Variants in DTNB observed in about 807,000 individuals in gnomAD.
DTNB encodes the protein dystrobrevin beta.
Under a neutral mutation model 90.7 loss-of-function variants are expected in DTNB, and 63 were observed. The ratio of observed to expected loss-of-function variants is 0.69; its 90% CI spans 0.57 to 0.86. The LOEUF (loss-of-function observed/expected upper bound fraction) is 0.86, where lower values mean the gene tolerates loss of function less well. Among genes scored for constraint, DTNB ranks in the 40% least tolerant of loss-of-function variants. DTNB has a pLI of 0.00. For missense variants in DTNB, 744 were observed against 807.1 expected, an observed-to-expected ratio of 0.92 and a Z score of 0.95; for synonymous variants, 277 against 286.7, an observed-to-expected ratio of 0.97 and a Z score of 0.34.
chr2:25,413,444 T>G (rs2047106786), intron 16 of DTNB, among the ~76,000 whole-genome samples: 2 of 123,132 alleles, frequency 1.6e-5, no homozygotes, highest in South Asian at 2.9e-4. Flanking sequence ...GGCCCCGGTG[T>G]GTGATGTTCC....
At chr2:25,628,054 C>T (rs1366139836) in intron 4 of DTNB, 117 bp downstream of exon 4, 1 of 1,122,982 alleles carries the variant, frequency 8.9e-7, no homozygotes, top group Non-Finnish European at 1.3e-6. Context: ...CCCTTTTAAT[C>T]ATGATTCTAA....
At chr2:25,487,891 C>T (rs1177068374) in intron 9 of DTNB, among the ~76,000 whole-genome samples, 1 of 152,146 alleles carries the variant, frequency 6.6e-6, no homozygotes, top group Non-Finnish European at 1.5e-5. Context: ...GAGATCTGAA[C>T]TTTATATTGC....
chr2:25,407,539 T>C (rs896197832), intron 16 of DTNB, among the ~76,000 whole-genome samples: 2 of 152,036 alleles, frequency 1.3e-5, no homozygotes, highest in African/African-American at 4.8e-5. Flanking sequence ...CATCAACCAA[T>C]GAGTGAATAA....
intron 16 of DTNB, among the ~76,000 whole-genome samples, chr2:25,405,369 C>T (rs1455275926): frequency 1.3e-5 from 2 of 151,960 alleles, no homozygotes; most frequent in Admixed American, 6.6e-5. Context: ...GGTGAAACCC[C>T]GTCTCTACTA....
chr2:25,472,864 T>C (rs566429254), intron 10 of DTNB, among the ~76,000 whole-genome samples: 20 of 152,222 alleles, frequency 1.3e-4, no homozygotes, highest in Admixed American at 1.3e-3. Flanking sequence ...AGCGCCTGGG[T>C]GACAAGAGTG....
At chr2:25,610,971 A>T (rs974623291) in intron 4 of DTNB, among the ~76,000 whole-genome samples, 1 of 152,216 alleles carries the variant, frequency 6.6e-6, no homozygotes, top group East Asian at 1.9e-4. Context: ...CGGCCTCCCA[A>T]AGTGCTGGGA....
intron 8 of DTNB, among the ~76,000 whole-genome samples, chr2:25,564,828 A>G (rs577295340): frequency 3.3e-5 from 5 of 152,310 alleles, no homozygotes; most frequent in Non-Finnish European, 5.9e-5. Flanking sequence ...GTTCATTGTC[A>G]ATATAGAGAA....
intron 4 of DTNB, among the ~76,000 whole-genome samples, chr2:25,627,856 C>T (rs2074623256): frequency 1.3e-5 from 2 of 151,902 alleles, no homozygotes; most frequent in African/African-American, 2.4e-5. Context: ...CCTGCCTCAG[C>T]CTCCTAAGTA....
intron 8 of DTNB, among the ~76,000 whole-genome samples, chr2:25,550,373 A>G (rs1204419408): frequency 6.6e-6 from 1 of 152,164 alleles, no homozygotes; most frequent in African/African-American, 2.4e-5. Context: ...CCTGGGTGAA[A>G]GAGCGAGACT....
At chr2:25,614,472 A>G (rs1018467958) in intron 4 of DTNB, among the ~76,000 whole-genome samples, 1 of 152,248 alleles carries the variant, frequency 6.6e-6, no homozygotes, top group Admixed American at 6.5e-5. Flanking sequence ...AACATTGCAG[A>G]ATGTAAGGTC....
chr2:25,444,022 G>C (rs865781851), intron 12 of DTNB, among the ~76,000 whole-genome samples: 12 of 152,142 alleles, frequency 7.9e-5, no homozygotes, highest in African/African-American at 2.9e-4. Flanking sequence ...AATATTTTAA[G>C]TGTGAGGTAG....
In DTNB at chr2:25,567,888, C is replaced by T. The variant is rs1233490388; in HGVS notation, c.876+8950G>A. ...AGAAAGGCTGAATGAAGGCTGGGCGCGGTGGCTGACGCCTGTAATCCCAGC... is the reference window on the plus strand; with the variant it reads ...AGAAAGGCTGAATGAAGGCTGGGCGTGGTGGCTGACGCCTGTAATCCCAGC... On this transcript the variant is annotated intron_variant, in intron 8 of 20. Transcript: ENST00000406818. Among the ~76,000 whole-genome samples the T allele has an allele frequency of 4.6e-5, 7 of 152,262 alleles. No individual in the cohort carries two copies. The East Asian group carries it at 7.7e-4, about 17-fold the overall frequency.
In DTNB at chr2:25,617,880, TA is replaced by T. The variant is rs140912748; in HGVS notation, c.362+10290del. Among the ~76,000 whole-genome samples, 368 of 152,154 alleles carry T rather than the reference TA, an allele frequency of 2.4e-3. 3 individuals are homozygous for T. The highest frequency in any genetic ancestry group is 0.018 in the East Asian group (93 of 5,170). ...GCAACAGAGCAAGACCCTGTCTCAA[TA>T]AAAAATTTAAAAAGAAACTTATTAA... On this transcript the variant is annotated intron_variant, in intron 4 of 20. Coordinates refer to ENST00000406818, the MANE Select transcript of DTNB (RefSeq NM_021907.5).
chr2:25,651,026 T>C (rs1559388614), intron 2 of DTNB, among the ~76,000 whole-genome samples: 1 of 152,114 alleles, frequency 6.6e-6, no homozygotes, highest in African/African-American at 2.4e-5. Flanking sequence ...TAGCTGATCA[T>C]AGACAGCAGA....
intron 10 of DTNB, among the ~76,000 whole-genome samples, chr2:25,460,653 C>T (rs1269720789): frequency 6.6e-6 from 1 of 152,104 alleles, no homozygotes; most frequent in African/African-American, 2.4e-5. Context: ...ACTGACAGAT[C>T]AAGTAAGGTT....
chr2:25,601,586 C>A (rs1289242537), intron 5 of DTNB, among the ~76,000 whole-genome samples: 2 of 152,198 alleles, frequency 1.3e-5, no homozygotes, highest in Non-Finnish European at 2.9e-5. Flanking sequence ...CCTTTCATCC[C>A]CACATGACTA....
Position 25,643,851 on chromosome 2 carries a change from T to C in DTNB, c.68-4757A>G, listed in dbSNP as rs191414967. Among the ~76,000 whole-genome samples the C allele has an allele frequency of 7.2e-5, 11 of 152,234 alleles. No homozygotes were observed. The East Asian group carries it at 1.9e-3, about 27-fold the overall frequency. ...GCTGCATTCCTAGACAGTTAAGGCA[T>C]TGTAAGTCACAGGATGAGATAGGAG... On this transcript the variant is annotated intron_variant, in intron 2 of 20. Coordinates refer to ENST00000406818, the MANE Select transcript of DTNB (RefSeq NM_021907.5).
At chr2:25,539,595 T>A (rs1323190157) in intron 8 of DTNB, among the ~76,000 whole-genome samples, 4 of 149,794 alleles carry the variant, frequency 2.7e-5, no homozygotes, top group African/African-American at 7.3e-5. Flanking sequence ...TTTTTTTTTT[T>A]AACTCATTTG....
At chr2:25,527,502 A>G (rs534046042) in intron 9 of DTNB, among the ~76,000 whole-genome samples, 1 of 152,192 alleles carries the variant, frequency 6.6e-6, no homozygotes, top group South Asian at 2.1e-4. Context: ...GCCTGGCGAC[A>G]GACTGAGACT....
Sources: allele counts gnomAD v4.1 joint callset (sites outside exome capture counted in the v4.1 genomes callset), GRCh38; gene constraint gnomAD v4.1.1; transcripts MANE v1.5; gene names NCBI Gene and HGNC (gene_info 2026-07-23, HGNC 2026-07-21).